PTPRD: variants seen among roughly 807,000 people sequenced by gnomAD.
PTPRD encodes the protein receptor-type tyrosine-protein phosphatase delta.
Under a neutral mutation model 214.5 loss-of-function variants are expected in PTPRD, and 34 were observed. That is an observed-to-expected ratio of 0.16 (90% CI 0.12 to 0.21). PTPRD has a LOEUF of 0.21. Ranked by LOEUF, PTPRD falls within the 10% of genes least tolerant of loss-of-function variation. The pLI, the probability that PTPRD is intolerant of heterozygous loss-of-function variation, is 1.00. For missense variants in PTPRD, 2,545 were observed against 2,398.7 expected, an observed-to-expected ratio of 1.06 and a Z score of -1.27; for synonymous variants, 1,128 against 845.7, an observed-to-expected ratio of 1.33 and a Z score of -5.79.
At chr9:10,461,621 C>CTTATTCT (rs1254498061) in intron 2 of PTPRD, among the ~76,000 whole-genome samples, 1 of 133,068 alleles carries the variant, frequency 7.5e-6, no homozygotes, top group African/African-American at 2.8e-5. Context: ...GCATGACATT[C>CTTATTCT]TTTTTTTTTT....
intron 10 of PTPRD, among the ~76,000 whole-genome samples, chr9:9,073,381 G>T (rs2099746596): frequency 1.3e-5 from 2 of 152,100 alleles, no homozygotes; most frequent in African/African-American, 2.4e-5. Flanking sequence ...TCAAATATTT[G>T]GTTATGAATA....
intron 2 of PTPRD, among the ~76,000 whole-genome samples, chr9:10,469,395 G>C (rs1043801775): frequency 1.3e-5 from 2 of 152,116 alleles, no homozygotes; most frequent in African/African-American, 2.4e-5. Context: ...AAGCGTGAAA[G>C]ATGTGCAGAA....
intron 7 of PTPRD, among the ~76,000 whole-genome samples, chr9:9,664,088 T>TAAAAAAAA (rs71319290): frequency 8.7e-6 from 1 of 114,534 alleles, no homozygotes; most frequent in Admixed American, 8.8e-5. Flanking sequence ...CACTCCTGTG[T>TAAAAAAAA]AAAAAAAAAA....
chr9:9,417,405 G>C (rs879815263), intron 8 of PTPRD, among the ~76,000 whole-genome samples: 3 of 152,074 alleles, frequency 2.0e-5, no homozygotes, highest in Non-Finnish European at 2.9e-5. Context: ...TTAGAGGTTT[G>C]TGTTCTATCA....
At chr9:8,955,119 A>G (rs974713652) in intron 11 of PTPRD, among the ~76,000 whole-genome samples, 1 of 151,940 alleles carries the variant, frequency 6.6e-6, no homozygotes, top group Admixed American at 6.6e-5. Flanking sequence ...GAAGAGAGAG[A>G]GCTGAAGTGG....
intron 3 of PTPRD, among the ~76,000 whole-genome samples, chr9:10,059,933 G>T (rs1403025306): frequency 6.6e-6 from 1 of 151,970 alleles, no homozygotes; most frequent in South Asian, 2.1e-4. Flanking sequence ...GCTGCATTCA[G>T]AGATAAAAAT....
chr9:8,372,044 G>C (rs2081704234), intron 39 of PTPRD, among the ~76,000 whole-genome samples: 1 of 151,916 alleles, frequency 6.6e-6, no homozygotes, highest in Non-Finnish European at 1.5e-5. Flanking sequence ...AGAGTTGAAA[G>C]GTTTCTCAGG....
At chr9:9,118,956 A>T (rs1436065331) in intron 10 of PTPRD, among the ~76,000 whole-genome samples, 1 of 152,178 alleles carries the variant, frequency 6.6e-6, no homozygotes, top group Non-Finnish European at 1.5e-5. Flanking sequence ...TAGAGGGCCT[A>T]AAGTTGTAGT....
At chr9:9,441,426 A>G (rs574143240) in intron 8 of PTPRD, among the ~76,000 whole-genome samples, 2 of 152,326 alleles carry the variant, frequency 1.3e-5, no homozygotes, top group African/African-American at 4.8e-5. Context: ...TCTCTATTGG[A>G]AAGATAATGC....
intron 7 of PTPRD, among the ~76,000 whole-genome samples, chr9:9,688,037 C>T (rs898547602): frequency 6.6e-5 from 10 of 151,774 alleles, no homozygotes; most frequent in Non-Finnish European, 2.9e-5. Context: ...CCTGCACTCT[C>T]TTTCCTTTCT....
At chr9:10,258,203 G>A (rs1335923376) in intron 3 of PTPRD, among the ~76,000 whole-genome samples, 1 of 152,218 alleles carries the variant, frequency 6.6e-6, no homozygotes, top group African/African-American at 2.4e-5. Flanking sequence ...CAGAAAGACT[G>A]GGTAGAATTC....
intron 2 of PTPRD, among the ~76,000 whole-genome samples, chr9:10,472,551 C>T (rs907865063): frequency 9.2e-5 from 14 of 152,074 alleles, no homozygotes; most frequent in East Asian, 1.9e-4. Context: ...CAGGCTACTT[C>T]GGTCATCTAT....
intron 3 of PTPRD, among the ~76,000 whole-genome samples, chr9:10,035,573 C>T (rs2097165497): frequency 6.6e-6 from 1 of 151,996 alleles, no homozygotes; most frequent in Non-Finnish European, 1.5e-5. Flanking sequence ...TTAGGTTTTA[C>T]ATTTAAGTCT....
chr9:8,380,395 A>G (rs2084649857), intron 37 of PTPRD, among the ~76,000 whole-genome samples: 1 of 152,164 alleles, frequency 6.6e-6, no homozygotes, highest in Non-Finnish European at 1.5e-5. Flanking sequence ...AGAGGTGGAA[A>G]AGAAGAACAG....
At chr9:9,663,865 T>C (rs950158508) in intron 7 of PTPRD, among the ~76,000 whole-genome samples, 2 of 151,540 alleles carry the variant, frequency 1.3e-5, no homozygotes, top group African/African-American at 2.4e-5. Context: ...AAGTTGTATG[T>C]GAAAAATTAA....
intron 5 of PTPRD, among the ~76,000 whole-genome samples, chr9:9,923,882 G>A (rs1566367158): frequency 6.6e-6 from 1 of 151,876 alleles, no homozygotes; most frequent in African/African-American, 2.4e-5. Flanking sequence ...GTCCAACAGA[G>A]AAAAACAAAG....
At position 10,501,862 on chromosome 9, in the gene PTPRD, A is replaced by G. The variant is rs527563518; in HGVS notation, c.-600+110536T>C. Among the ~76,000 whole-genome samples the G allele has an allele frequency of 2.8e-3, 429 of 152,122 alleles. 2 individuals carry two copies. Among genetic ancestry groups the G allele is most frequent in the African/African-American group, 9.7e-3 (401 of 41,550 alleles). ...GAATGCTTCTCAATTCTGGAAGCAC[A>G]TTAGAATCACACAAGGAGTATTAAA... On this transcript the variant is annotated intron_variant, in intron 2 of 45. Coordinates refer to ENST00000381196, the MANE Select transcript of PTPRD (RefSeq NM_002839.4).
intron 42 of PTPRD, among the ~76,000 whole-genome samples, chr9:8,339,422 C>T (rs1322216525): frequency 6.6e-6 from 1 of 152,086 alleles, no homozygotes; most frequent in African/African-American, 2.4e-5. Flanking sequence ...TGCACCACCA[C>T]AGCATACTTG....
intron 11 of PTPRD, among the ~76,000 whole-genome samples, chr9:8,809,840 G>T (rs2096764822): frequency 6.6e-6 from 1 of 152,116 alleles, no homozygotes; most frequent in East Asian, 1.9e-4. Flanking sequence ...AACAATAATT[G>T]TAAGCCTTTA....
Sources: gnomAD v4.1 joint callset for allele counts (sites outside exome capture counted in the v4.1 genomes callset) on GRCh38, gnomAD v4.1.1 for gene constraint, MANE v1.5 for transcripts, NCBI Gene and HGNC (gene_info 2026-07-23, HGNC 2026-07-21) for gene names.